Variants in RBBP8 observed in about 807,000 individuals in gnomAD.
RBBP8 encodes DNA endonuclease RBBP8.
RBBP8 carries 88 observed loss-of-function variants against 108.3 expected under a neutral mutation model. The observed-to-expected ratio is 0.81, with a 90% CI of 0.68 to 0.97. The LOEUF (loss-of-function observed/expected upper bound fraction) is 0.97. RBBP8 is among the 50% of genes least tolerant of loss of function. RBBP8 has a pLI of 0.00. For missense variants in RBBP8, 1,023 were observed against 1,049.0 expected (o/e 0.98, Z 0.34); for synonymous variants, 332 against 348.2 (o/e 0.95, Z 0.52).
At chr18:23,017,770 G>A (rs1055489400) in intron 17 of RBBP8, among the ~76,000 whole-genome samples, 13 of 111,798 alleles carry the variant, frequency 1.2e-4, no homozygotes, top group Non-Finnish European at 2.2e-4. Flanking sequence ...TTTTTGAGAC[G>A]GAGTCTTGCC....
At chr18:22,927,405 C>T (rs1459303242) in intron 3 of RBBP8, among the ~76,000 whole-genome samples, 1 of 152,096 alleles carries the variant, frequency 6.6e-6, no homozygotes, top group Non-Finnish European at 1.5e-5. Context: ...GAATTGGATA[C>T]CCACGTCCCA....
chr18:22,965,364 G>A (rs183250147), intron 4 of RBBP8, among the ~76,000 whole-genome samples: 9 of 152,230 alleles, frequency 5.9e-5, no homozygotes, highest in Admixed American at 3.3e-4. Flanking sequence ...TTCTCTGTTA[G>A]AATGATCTGG....
At chr18:22,973,272 T>A (rs1914253196) in intron 5 of RBBP8, among the ~76,000 whole-genome samples, 1 of 152,198 alleles carries the variant, frequency 6.6e-6, no homozygotes, top group African/African-American at 2.4e-5. Context: ...TTTAAATAAT[T>A]CAGAAATTTT....
chr18:22,968,821 A>T lies in RBBP8; in HGVS notation c.264A>T (p.Leu88Phe). 1.9e-6 allele frequency: 3 copies of T among 1,613,328 alleles called. No individual in the cohort carries two copies. In the East Asian group the frequency reaches 6.7e-5, roughly 36 times the overall value. Residue 88 changes from leucine to phenylalanine, a missense_variant, in exon 5 of 19, where the codon TTA (leucine) becomes TTT (phenylalanine). Transcript: ENST00000327155. ...TGTTTCATAGGTTAAGAGCAGGCTT[A>T]TGTGATCGCTGTGCAGTAACTGAAG... is the stretch of plus-strand genomic sequence containing the variant. ...KVLEDRLRAG[L>F]CDRCAVTEEH...
Position 22,993,257 on chromosome 18 carries a change from A to G in RBBP8, c.1430A>G (p.Asn477Ser), listed in dbSNP as rs1567984362. ...AATGCTTTCCCTTTTCCAATGGATA[A>G]TCAGTTTTCCATGAATGGAGACTGT... is the stretch of plus-strand genomic sequence containing the variant. ...KENAFPFPMDNQFSMNGDCVM... is the reference protein window; with the variant it reads ...KENAFPFPMDSQFSMNGDCVM... Residue 477 changes from asparagine (N) to serine (S), a missense_variant, in exon 11 of 19, where the codon AAT (asparagine) becomes AGT (serine). Asn to Ser is a conservative substitution (Grantham distance 46). Transcript: ENST00000327155. The G allele has an allele frequency of 9.9e-6, 16 of 1,614,236 alleles. No individual in the cohort carries two copies. Among genetic ancestry groups the G allele is most frequent in the Non-Finnish European group, 1.2e-5 (14 of 1,180,036 alleles).
chr18:22,964,267 T>C, intron 4 of RBBP8, among the ~76,000 whole-genome samples: 1 of 152,210 alleles, frequency 6.6e-6, no homozygotes, highest in Middle Eastern at 3.4e-3. Context: ...AAGAAAAAAA[T>C]TTCTTCTGAA....
At chr18:22,959,080 A>C (rs1394775274) in intron 4 of RBBP8, among the ~76,000 whole-genome samples, 1 of 152,214 alleles carries the variant, frequency 6.6e-6, no homozygotes, top group Admixed American at 6.5e-5. Context: ...AATGTGATCG[A>C]TAAATGTGGG....
intron 4 of RBBP8, among the ~76,000 whole-genome samples, chr18:22,953,892 G>A (rs926366885): frequency 1.3e-5 from 2 of 152,080 alleles, no homozygotes; most frequent in Non-Finnish European, 1.5e-5. Context: ...ATGGCAGAAA[G>A]GGAAGCAAAC....
rs778667405 is a variant in RBBP8 at position 22,982,339 on chromosome 18, G to A, written c.550G>A (p.Val184Ile). Residue 184 changes from valine (V) to isoleucine (I), a missense_variant, in exon 7 of 19, where the codon GTC becomes ATC. Transcript: ENST00000327155. Reference sequence around the variant, plus strand: ...GCTACGAAGAAAGGAGAACCCCCATGTCCGATACATAGAACAAACACATAC... The same window carrying A: ...GCTACGAAGAAAGGAGAACCCCCATATCCGATACATAGAACAAACACATAC... ...NRLRRKENPH[V>I]RYIEQTHTKL... 17 of 1,614,010 alleles carry A rather than the reference G, an allele frequency of 1.1e-5. No homozygotes were observed. Among genetic ancestry groups the A allele is most frequent in the Admixed American group, 3.3e-5 (2 of 60,010 alleles).
At chr18:23,024,230 A>G (rs2046419597) in intron 18 of RBBP8, among the ~76,000 whole-genome samples, 1 of 151,972 alleles carries the variant, frequency 6.6e-6, no homozygotes, top group African/African-American at 2.4e-5. Context: ...ACATTATTGT[A>G]TTCTTAGACT....
intron 6 of RBBP8, among the ~76,000 whole-genome samples, chr18:22,979,736 T>C (rs1914766536): frequency 6.6e-6 from 1 of 152,214 alleles, no homozygotes; most frequent in African/African-American, 2.4e-5. Context: ...AATCTTTCAG[T>C]TACAGTTGAT....
intron 2 of RBBP8, among the ~76,000 whole-genome samples, chr18:22,939,514 G>T (rs182121576): frequency 6.6e-6 from 1 of 151,516 alleles, no homozygotes; most frequent in African/African-American, 2.4e-5. Flanking sequence ...CAACAAGAGC[G>T]AAACTCCGTC....
At chr18:22,979,816 T>C (rs1049809725) in intron 6 of RBBP8, among the ~76,000 whole-genome samples, 2 of 152,240 alleles carry the variant, frequency 1.3e-5, no homozygotes, top group African/African-American at 4.8e-5. Context: ...AATCTGGGAA[T>C]GTCTCCTATT....
At chr18:22,998,492 G>A (rs78893984) in intron 14 of RBBP8, among the ~76,000 whole-genome samples, 5,098 of 152,310 alleles carry the variant, frequency 0.033, 147 homozygotes, top group East Asian at 0.083. Flanking sequence ...ATTCCTAACT[G>A]TAGAGGCACA....
At chr18:22,968,492 A>C (rs753180898) in intron 4 of RBBP8, among the ~76,000 whole-genome samples, 1 of 152,170 alleles carries the variant, frequency 6.6e-6, no homozygotes, top group South Asian at 2.1e-4. Flanking sequence ...GTATAATTCT[A>C]CCCCTTGGTA....
At chr18:22,918,040 C>T (rs1201809903) in intron 3 of RBBP8, among the ~76,000 whole-genome samples, 2 of 150,910 alleles carry the variant, frequency 1.3e-5, no homozygotes, top group Non-Finnish European at 3.0e-5. Context: ...AATATTTTAA[C>T]CTTCTTAAAT....
At chr18:23,020,232 C>A (rs2046326577) in intron 17 of RBBP8, among the ~76,000 whole-genome samples, 1 of 151,622 alleles carries the variant, frequency 6.6e-6, no homozygotes, top group Non-Finnish European at 1.5e-5. Flanking sequence ...GCCAGCCTGG[C>A]CAACATGGTA....
At chr18:22,924,906 C>CT (rs991253557) in intron 3 of RBBP8, among the ~76,000 whole-genome samples, 4 of 142,778 alleles carry the variant, frequency 2.8e-5, no homozygotes, top group East Asian at 2.1e-4. Flanking sequence ...TTTTTTTTTT[C>CT]TTTTTTTTGA....
At chr18:22,929,114 T>C (rs1417520716), upstream of RBBP8, among the ~76,000 whole-genome samples, 2 of 152,150 alleles carry the variant, frequency 1.3e-5, no homozygotes, top group African/African-American at 4.8e-5. Context: ...CATCAGGGCC[T>C]CAACTAGGGC....
Sources: gnomAD v4.1 joint callset for allele counts (sites outside exome capture counted in the v4.1 genomes callset) on GRCh38, gnomAD v4.1.1 for gene constraint, MANE v1.5 for transcripts, NCBI Gene and HGNC (gene_info 2026-07-23, HGNC 2026-07-21) for gene names.